MAGI2: variants seen among roughly 807,000 people sequenced by gnomAD.
MAGI2 encodes the protein membrane-associated guanylate kinase, WW and PDZ domain-containing protein 2.
In MAGI2, 35 loss-of-function variants were observed where a neutral mutation model predicts 133.3. That is an observed-to-expected ratio of 0.26 (90% CI 0.20 to 0.35). The LOEUF (loss-of-function observed/expected upper bound fraction) is 0.35, where lower values mean the gene tolerates loss of function less well. Among genes scored for constraint, MAGI2 ranks in the 10% least tolerant of loss-of-function variants. MAGI2 has a pLI of 1.00. For synonymous variants in MAGI2, 729 were observed against 710.6 expected (o/e 1.03, Z -0.41); for missense variants, 1,636 against 1,863.4 (o/e 0.88, Z 2.25).
chr7:78,126,193 G>GGTGTGT (rs3085805), intron 19 of MAGI2, among the ~76,000 whole-genome samples: 29,979 of 148,874 alleles, frequency 0.2, 3,173 homozygotes, highest in South Asian at 0.35. Context: ...ATAAATGTCA[G>GGTGTGT]GTGTGTGTGT....
intron 20 of MAGI2, among the ~76,000 whole-genome samples, chr7:78,117,294 A>G (rs1439442822): frequency 1.3e-5 from 2 of 152,150 alleles, no homozygotes; most frequent in Admixed American, 1.3e-4. Context: ...GAAATAACAG[A>G]AAATTGAATT....
chr7:79,312,607 G>C (rs1838374487), intron 1 of MAGI2, among the ~76,000 whole-genome samples: 1 of 151,914 alleles, frequency 6.6e-6, no homozygotes, highest in South Asian at 2.1e-4. Flanking sequence ...TATTCCTCTT[G>C]TTTATTGTCT....
chr7:79,375,437 A>G (rs1274955947), intron 1 of MAGI2, among the ~76,000 whole-genome samples: 1 of 152,028 alleles, frequency 6.6e-6, no homozygotes, highest in Non-Finnish European at 1.5e-5. Flanking sequence ...ATATAGTTAG[A>G]AAACCTAAAG....
intron 1 of MAGI2, among the ~76,000 whole-genome samples, chr7:79,215,553 C>T (rs751781772): frequency 7.9e-5 from 12 of 152,064 alleles, no homozygotes; most frequent in Middle Eastern, 3.4e-3. Context: ...CTATTGATTC[C>T]AGGTCTTTAG....
chr7:78,235,615 G>C (rs979543122), intron 10 of MAGI2, among the ~76,000 whole-genome samples: 51 of 152,050 alleles, frequency 3.4e-4, no homozygotes, highest in Admixed American at 3.0e-3. Flanking sequence ...GTTTGCTCCC[G>C]CTTCTGCCAT....
intron 2 of MAGI2, among the ~76,000 whole-genome samples, chr7:78,658,689 A>AT (rs1812575596): frequency 6.6e-6 from 1 of 152,236 alleles, no homozygotes; most frequent in Admixed American, 6.5e-5. Context: ...GGATATACGG[A>AT]TGGCAAATAA....
chr7:78,430,176 T>C (rs1310639081), intron 6 of MAGI2, among the ~76,000 whole-genome samples: 2 of 151,592 alleles, frequency 1.3e-5, no homozygotes, highest in Non-Finnish European at 2.9e-5. Context: ...TTCTGGTCTT[T>C]AAGCTACAAT....
At chr7:78,504,976 T>C (rs1028170453) in intron 4 of MAGI2, among the ~76,000 whole-genome samples, 1 of 152,158 alleles carries the variant, frequency 6.6e-6, no homozygotes, top group African/African-American at 2.4e-5. Flanking sequence ...CTAAGTGATA[T>C]ATAGTTATAT....
At chr7:79,004,518 G>C (rs1048133161) in intron 2 of MAGI2, among the ~76,000 whole-genome samples, 4 of 152,294 alleles carry the variant, frequency 2.6e-5, no homozygotes, top group African/African-American at 9.6e-5. Context: ...ATAAAAGATA[G>C]AAGTTCTATT....
chr7:79,085,276 T>C (rs1816388612), intron 1 of MAGI2, among the ~76,000 whole-genome samples: 1 of 151,832 alleles, frequency 6.6e-6, no homozygotes, highest in African/African-American at 2.4e-5. Flanking sequence ...TCTCTAAACT[T>C]TGTATTATGG....
At chr7:79,035,514 C>A (rs1331761391) in intron 1 of MAGI2, among the ~76,000 whole-genome samples, 1 of 152,092 alleles carries the variant, frequency 6.6e-6, no homozygotes, top group Non-Finnish European at 1.5e-5. Flanking sequence ...CCTCATAAGT[C>A]ACCTTTTATG....
At chr7:78,783,647 C>T (rs1448914544) in intron 2 of MAGI2, among the ~76,000 whole-genome samples, 3 of 152,170 alleles carry the variant, frequency 2.0e-5, no homozygotes, top group African/African-American at 7.2e-5. Context: ...AATTGAATTA[C>T]AGTGGGTGAA....
intron 14 of MAGI2, among the ~76,000 whole-genome samples, chr7:78,175,820 A>G (rs991478810): frequency 2.0e-5 from 3 of 152,142 alleles, no homozygotes; most frequent in African/African-American, 7.2e-5. Context: ...ATGTTGGAAA[A>G]AAAGGGTAAG....
intron 3 of MAGI2, among the ~76,000 whole-genome samples, chr7:78,601,469 G>A (rs1407157760): frequency 2.0e-5 from 3 of 152,108 alleles, no homozygotes; most frequent in African/African-American, 7.2e-5. Context: ...GAATCAGTAT[G>A]TTGCATATTT....
chr7:78,361,565 G>A (rs1792814420), intron 7 of MAGI2, among the ~76,000 whole-genome samples: 1 of 152,072 alleles, frequency 6.6e-6, no homozygotes, highest in Non-Finnish European at 1.5e-5. Flanking sequence ...ATGTTTGAGA[G>A]TTATAAAAAT....
intron 10 of MAGI2, among the ~76,000 whole-genome samples, chr7:78,219,771 C>A (rs190064087): frequency 2.4e-4 from 37 of 152,338 alleles, no homozygotes; most frequent in Admixed American, 9.8e-4. Context: ...CTTTCACATT[C>A]TGTCATTCCT....
Position 78,498,929 on chromosome 7 carries a change from C to T in MAGI2, c.965+2648G>A, listed in dbSNP as rs543484236. Among the ~76,000 whole-genome samples the T allele has an allele frequency of 8.5e-5, 13 of 152,276 alleles. No individual in the cohort carries two copies. The East Asian group carries it at 2.3e-3, about 27-fold the overall frequency. ...ACCTTAGTCTCCCTCAGCATCAGCT[C>T]TTTCGCCACAGATGAAATTGTTTCC... On this transcript the variant is annotated intron_variant, in intron 5 of 21. Transcript: ENST00000354212.
At chr7:78,925,205 A>T (rs1432183315) in intron 2 of MAGI2, among the ~76,000 whole-genome samples, 1 of 152,040 alleles carries the variant, frequency 6.6e-6, no homozygotes, top group East Asian at 1.9e-4. Flanking sequence ...ATGGCAGTTC[A>T]GGATTCATCA....
intron 6 of MAGI2, among the ~76,000 whole-genome samples, chr7:78,446,043 TC>T (rs79854281): frequency 0.73 from 110,083 of 151,338 alleles, 41,322 homozygotes; most frequent in East Asian, 0.86. Flanking sequence ...ATTTTGTGTT[TC>T]TTTTGTCTTG....
Sources: allele counts gnomAD v4.1 joint callset (sites outside exome capture counted in the v4.1 genomes callset), GRCh38; gene constraint gnomAD v4.1.1; transcripts MANE v1.5; gene names NCBI Gene and HGNC (gene_info 2026-07-23, HGNC 2026-07-21).